Variants in GLUL observed in about 807,000 individuals in gnomAD.
GLUL encodes glutamate-ammonia ligase.
A neutral mutation model predicts 36.9 loss-of-function variants in GLUL; 8 were observed. That is an observed-to-expected ratio of 0.22 (90% confidence interval 0.13 to 0.39). The LOEUF is 0.39. Ranked by LOEUF, GLUL falls within the 10% of genes least tolerant of loss-of-function variation. GLUL has a pLI of 1.00. For missense variants in GLUL, 315 were observed against 501.8 expected, an observed-to-expected ratio of 0.63 and a Z score of 3.56; for synonymous variants, 182 against 172.8, an observed-to-expected ratio of 1.05 and a Z score of -0.42.
Position 182,382,727 on chromosome 1 carries a change from C to G in GLUL, c.*1678G>C, listed in dbSNP as rs1365989221. 6.6e-6 allele frequency: 1 copy of G among 152,120 alleles called. No individual in the cohort carries two copies. Among genetic ancestry groups the G allele is most frequent in the Non-Finnish European group, 1.5e-5 (1 of 68,026 alleles). 9.4% of individuals were successfully genotyped at this position (152,120 alleles called of 1,614,324 possible). On this transcript the variant is annotated 3_prime_UTR_variant, in exon 7 of 7. Coordinates refer to ENST00000331872, the MANE Select transcript of GLUL (RefSeq NM_001033044.4). ...GGTGAAAAACTTAATCCCTTAAGTC[C>G]CAAATACCCAACTTAGAGAGGTACA...
chr1:182,385,711 A>G, intron 5 of GLUL, 49 bp downstream of exon 5: 1 of 1,610,210 alleles, frequency 6.2e-7, no homozygotes, highest in Non-Finnish European at 8.5e-7. Flanking sequence ...CAAAAGTCCT[A>G]TGTACACCTA....
At chr1:182,389,700 TTCTC>T in intron 1 of GLUL, 1 of 152,280 alleles carries the variant, frequency 6.6e-6, no homozygotes, top group South Asian at 2.1e-4. Flanking sequence ...AGAGGAAACA[TTCTC>T]TCTCTCCCTC....
chr1:182,391,719 G>A lies in GLUL; in HGVS notation c.-54C>T, dbSNP rs748508936. On this transcript the variant is annotated 5_prime_UTR_variant, in exon 1 of 7. Transcript: ENST00000331872. The stretch of plus-strand genomic sequence containing the variant: ...GCGGGCGGGTAAAGCTAGGCCGCGA[G>A]AGCGAGGTTAGGAGAGGAGAGGAGG... 1 of 153,160 alleles carries A rather than the reference G, an allele frequency of 6.5e-6. No individual in the cohort carries two copies. Among genetic ancestry groups the A allele is most frequent in the Admixed American group, 6.5e-5 (1 of 15,310 alleles). The allele number at this position is 153,160 out of a possible 1,614,324, so 9.5% of individuals were successfully genotyped here.
At chr1:182,390,765 G>C in intron 1 of GLUL, 1 of 399,156 alleles carries the variant, frequency 2.5e-6, no homozygotes, top group Non-Finnish European at 4.4e-6. Context: ...CAGCTGGAGC[G>C]CGACCCGGAG....
intron 3 of GLUL, 136 bp from the exon 4 acceptor site, chr1:182,386,538 C>T: frequency 1.3e-6 from 1 of 775,734 alleles, no homozygotes; most frequent in Non-Finnish European, 2.3e-6. Context: ...CCAGTATAGG[C>T]CTTCTTGGGA....
chr1:182,386,652 G>A, intron 3 of GLUL: 1 of 557,992 alleles, frequency 1.8e-6, no homozygotes, highest in Non-Finnish European at 3.2e-6. Context: ...AGTCACATGG[G>A]AGTGGATTTA....
At chr1:182,388,855 C>T (rs1439811479) in intron 1 of GLUL, 105 bp from the exon 2 acceptor site, 6 of 835,752 alleles carry the variant, frequency 7.2e-6, no homozygotes, top group Non-Finnish European at 1.2e-5. Flanking sequence ...AGTGTAAGTG[C>T]CAACTCCTTC....
chr1:182,387,507 A>C (rs1650235123), intron 2 of GLUL, among the ~76,000 whole-genome samples: 1 of 152,174 alleles, frequency 6.6e-6, no homozygotes, highest in South Asian at 2.1e-4. Context: ...CCATTGTACC[A>C]ATTCCTTAAA....
At position 182,385,541 on chromosome 1, in the gene GLUL, C is replaced by T; in HGVS notation, c.619G>A (p.Gly207Arg). The change falls in exon 6 of 7, where the codon GGA becomes AGA. Residue 207 changes from glycine (G) to arginine (R), a missense_variant. Gly to Arg is a moderately radical substitution (Grantham distance 125, BLOSUM62 -2). Transcript: ENST00000331872. ...VMPAQWEFQI[G>R]PCEGISMGDH... ...CCCATGCTGATTCCTTCACAAGGTC[C>T]AATCTGAAATTCCCACTAGAAACGA... is the stretch of plus-strand genomic sequence containing the variant. 1 of 1,614,008 alleles carries T rather than the reference C, an allele frequency of 6.2e-7. No individual in the cohort carries two copies. Among genetic ancestry groups the T allele is most frequent in the Non-Finnish European group, 8.5e-7 (1 of 1,179,896 alleles).
chr1:182,387,231 G>A lies in GLUL; in HGVS notation c.228C>T (p.Asp76=). ...STLQSEGSNS[D]MYLVPAAMFR... is the part of the protein sequence containing the mutation. ...ACATGGCAGCAGGCACGAGATACAT[G>A]TCACTGTTGGAACCCTCAGACTGTA... The change falls in exon 3 of 7, where the codon GAC becomes GAT. Residue 76 remains aspartate, a synonymous_variant. Transcript: ENST00000331872. 1.2e-6 allele frequency: 2 copies of A among 1,611,722 alleles called. No individual in the cohort carries two copies. Among genetic ancestry groups the A allele is most frequent in the East Asian group, 2.2e-5 (1 of 44,852 alleles).
chr1:182,391,081 T>C lies in GLUL; in HGVS notation c.-14+598A>G, dbSNP rs2101939528. On this transcript the variant is annotated intron_variant, in intron 1 of 6. Coordinates refer to ENST00000331872, the MANE Select transcript of GLUL (RefSeq NM_001033044.4). ...CCTCCGCCCGGACCGGCTTCTCCAC[T>C]GACTGCGCCGAGGCCCGGGCTCTCC... 5 of 398,364 alleles carry C rather than the reference T, an allele frequency of 1.3e-5. No individual in the cohort carries two copies. The East Asian group carries it at 1.4e-4, about 11-fold the overall frequency. 24.7% of individuals were successfully genotyped at this position (398,364 alleles called of 1,614,324 possible). A position where few individuals can be genotyped will look rare whatever the true frequency, so the allele number is the denominator to read the frequency against.
chr1:182,387,577 G>T (rs1650238033), intron 2 of GLUL, among the ~76,000 whole-genome samples: 1 of 152,166 alleles, frequency 6.6e-6, no homozygotes, highest in African/African-American at 2.4e-5. Flanking sequence ...GAAGCATTCT[G>T]TTATCACTAC....
Position 182,383,097 on chromosome 1 carries a change from TATTATAAAAGAAA to T in GLUL, c.*1295_*1307del, listed in dbSNP as rs917105481. 3 of 151,966 alleles carry T rather than the reference TATTATAAAAGAAA, an allele frequency of 2.0e-5. No homozygotes were observed. The highest frequency in any genetic ancestry group is 7.2e-5 in the African/African-American group (3 of 41,414). 9.4% of individuals were successfully genotyped at this position (151,966 alleles called of 1,614,324 possible). A position where few individuals can be genotyped will look rare whatever the true frequency, so the allele number is the denominator to read the frequency against. On this transcript the variant is annotated 3_prime_UTR_variant, in exon 7 of 7. Transcript: ENST00000331872. Reference sequence around the variant, plus strand: ...AGGAATAAAGGTGGGGTTTATTCCTTATTATAAAAGAAAAAAAATAATTCTTCAGCAGTCTTAA... The same window carrying T: ...AGGAATAAAGGTGGGGTTTATTCCTTAAAAATAATTCTTCAGCAGTCTTAA...
chr1:182,386,152 T>C, intron 4 of GLUL, 104 bp downstream of exon 4: 2 of 1,172,594 alleles, frequency 1.7e-6, no homozygotes, highest in African/African-American at 3.0e-5. Flanking sequence ...TTTACTGTAT[T>C]ATTTTGCTTC....
At chr1:182,386,100 A>G in intron 4 of GLUL, 156 bp downstream of exon 4, 1 of 897,052 alleles carries the variant, frequency 1.1e-6, no homozygotes, top group Admixed American at 1.7e-5. Context: ...TTATATATTC[A>G]TATCCATTTT....
intron 2 of GLUL, 51 bp downstream of exon 2, chr1:182,388,521 C>T: frequency 2.0e-6 from 3 of 1,511,252 alleles, no homozygotes; most frequent in Non-Finnish European, 2.8e-6. Context: ...TGCTGCCCAC[C>T]CCTCTGCAGA....
rs187206800 is a variant in GLUL, at chr1:182,386,590, C to T, written c.329-188G>A. The stretch of plus-strand genomic sequence containing the variant: ...ATGAGAGAAGCTGTTAATTGTACAT[C>T]TGTAGGAAGACTCTGAAAGACTTCA... On this transcript the variant is annotated intron_variant, in intron 3 of 6. Coordinates refer to ENST00000331872, the MANE Select transcript of GLUL (RefSeq NM_001033044.4). 5 of 657,734 alleles carry T rather than the reference C, an allele frequency of 7.6e-6. No individual in the cohort carries two copies. The Admixed American group carries it at 1.1e-4, about 15-fold the overall frequency. The allele number at this position is 657,734 out of a possible 1,614,324, so 40.7% of individuals were successfully genotyped here.
At chr1:182,388,209 A>C (rs1476755560) in intron 2 of GLUL, among the ~76,000 whole-genome samples, 1 of 152,170 alleles carries the variant, frequency 6.6e-6, no homozygotes, top group Non-Finnish European at 1.5e-5. Context: ...AGAGTTTGTA[A>C]ACTAGATGGC....
In GLUL at chr1:182,385,657, T is replaced by C. The variant is rs566378406; in HGVS notation, c.604-101A>G. The stretch of plus-strand genomic sequence containing the variant: ...TTCTCACCTGTACTCCAACCCGTTC[T>C]TAGGTTTTGGGTTAGTGAGTGGTGT... On this transcript the variant is annotated intron_variant, in intron 5 of 6. Coordinates refer to ENST00000331872, the MANE Select transcript of GLUL (RefSeq NM_001033044.4). 2.4e-5 allele frequency: 38 copies of C among 1,558,214 alleles called. 1 individual carries two copies. The African/African-American group carries it at 5.0e-4, about 21-fold the overall frequency.
Sources: gnomAD v4.1 joint callset for allele counts (sites outside exome capture counted in the v4.1 genomes callset) on GRCh38, gnomAD v4.1.1 for gene constraint, MANE v1.5 for transcripts, NCBI Gene and HGNC (gene_info 2026-07-23, HGNC 2026-07-21) for gene names.